Variants in ZNF341 observed in about 807,000 individuals in gnomAD.
ZNF341 encodes the protein zinc finger protein 341.
ZNF341 carries 52 observed loss-of-function variants against 87.7 expected under a neutral mutation model. The observed-to-expected ratio is 0.59, with a 90% CI of 0.47 to 0.75. The LOEUF (loss-of-function observed/expected upper bound fraction) is 0.75, where lower values mean the gene tolerates loss of function less well. Among genes scored for constraint, ZNF341 ranks in the 30% least tolerant of loss-of-function variants. The probability of loss-of-function intolerance (pLI) is 0.00; values close to 1 mark genes in which losing one functional copy is unlikely to be tolerated. For missense variants in ZNF341, 977 were observed against 1,145.9 expected (o/e 0.85, Z 2.13); for synonymous variants, 459 against 472.7 (o/e 0.97, Z 0.38).
chr20:33,788,831 G>C (rs2019930701), intron 12 of ZNF341, 32 bp from the exon 13 acceptor site: 1 of 1,598,030 alleles, frequency 6.3e-7, no homozygotes, highest in African/African-American at 1.3e-5. Context: ...CTCCTGGTGA[G>C]TGCTGGCTCT....
In ZNF341 at chr20:33,765,312, G is replaced by A. The variant is rs530013827; in HGVS notation, c.1223-1539G>A. ...ACCACTTTTATCTGACCTTCCTTCA[G>A]GCTTCCTGTTGGAACTAGCCCTACT... On this transcript the variant is annotated intron_variant, in intron 8 of 14. Transcript: ENST00000375200. Among the ~76,000 whole-genome samples the A allele has an allele frequency of 2.3e-3, 355 of 152,138 alleles. 1 individual carries two copies. Among genetic ancestry groups the A allele is most frequent in the Non-Finnish European group, 3.2e-3 (217 of 68,000 alleles).
chr20:33,745,490 C>T (rs998658105), intron 3 of ZNF341, among the ~76,000 whole-genome samples, 191 bp downstream of exon 3: 3 of 151,844 alleles, frequency 2.0e-5, no homozygotes, highest in Non-Finnish European at 2.9e-5. Context: ...GGATGCCAGA[C>T]GGGGATGGGA....
chr20:33,745,929 CT>C (rs1301920142), intron 3 of ZNF341, among the ~76,000 whole-genome samples: 1,399 of 132,762 alleles, frequency 0.011, 21 homozygotes, highest in African/African-American at 0.035. Flanking sequence ...GGGTCTGGGC[CT>C]TTTTTTTTTT....
chr20:33,776,392 CTTT>C (rs1341206598), intron 10 of ZNF341, among the ~76,000 whole-genome samples: 2 of 139,904 alleles, frequency 1.4e-5, no homozygotes. Flanking sequence ...TGCACCTGGC[CTTT>C]TTTTTTTTTT....
chr20:33,749,808 A>G (rs937162638), intron 4 of ZNF341, among the ~76,000 whole-genome samples: 3 of 150,672 alleles, frequency 2.0e-5, no homozygotes, highest in Admixed American at 1.3e-4. Context: ...GCTGAAGTGC[A>G]GTGGTGCGAT....
intron 1 of ZNF341, among the ~76,000 whole-genome samples, chr20:33,735,911 A>G (rs937658859): frequency 2.6e-5 from 4 of 152,148 alleles, no homozygotes; most frequent in South Asian, 2.1e-4. Flanking sequence ...AGAATACTAT[A>G]TAAATGAAAT....
At chr20:33,737,505 T>C (rs2018715688) in intron 1 of ZNF341, among the ~76,000 whole-genome samples, 1 of 151,954 alleles carries the variant, frequency 6.6e-6, no homozygotes. Flanking sequence ...ATATTTTTAG[T>C]AAGGATGGGG....
chr20:33,773,879 G>A (rs963190175), intron 10 of ZNF341, among the ~76,000 whole-genome samples: 1 of 151,988 alleles, frequency 6.6e-6, no homozygotes, highest in Non-Finnish European at 1.5e-5. Flanking sequence ...TCTGTTCCCT[G>A]TCAGCCACAT....
At chr20:33,741,408 C>CTTT (rs1390459769) in intron 2 of ZNF341, among the ~76,000 whole-genome samples, 11 of 124,852 alleles carry the variant, frequency 8.8e-5, no homozygotes, top group African/African-American at 3.3e-4. Context: ...TTTTTTTTTT[C>CTTT]TTTTTTTTCT....
rs199511736 is a variant in ZNF341 at position 33,791,220 on chromosome 20, C to T, written c.2268C>T (p.Cys756=). 1,599 of 1,611,964 alleles carry T rather than the reference C, an allele frequency of 9.9e-4. No individual in the cohort carries two copies. The highest frequency in any genetic ancestry group is 1.3e-3 in the Non-Finnish European group (1,494 of 1,179,454). ...PPQRRAAPRS[C]GSGGRKVLTP... is the part of the protein sequence containing the mutation. Reference sequence around the variant, plus strand: ...AGAGGAGGGCAGCCCCCCGCAGTTGCGGCAGTGGTGGGCGCAAGGTGCTGA... The same window carrying T: ...AGAGGAGGGCAGCCCCCCGCAGTTGTGGCAGTGGTGGGCGCAAGGTGCTGA... The change falls in exon 15 of 15, where the codon TGC becomes TGT. Residue 756 remains cysteine, a synonymous_variant. Transcript: ENST00000375200.
At chr20:33,741,250 G>A (rs1268005390) in intron 2 of ZNF341, among the ~76,000 whole-genome samples, 1 of 152,176 alleles carries the variant, frequency 6.6e-6, no homozygotes, top group Non-Finnish European at 1.5e-5. Flanking sequence ...GGATCAAGAT[G>A]CAGGGAATGG....
At chr20:33,761,056 A>G (rs937871434) in intron 7 of ZNF341, among the ~76,000 whole-genome samples, 5 of 149,530 alleles carry the variant, frequency 3.3e-5, no homozygotes, top group Admixed American at 6.7e-5. Context: ...GTGCAGTGGC[A>G]TGATCATAGC....
rs540372508 is a variant in ZNF341 at position 33,748,349 on chromosome 20, C to T, written c.340-574C>T. Among the ~76,000 whole-genome samples, 9 of 152,136 alleles carry T rather than the reference C, an allele frequency of 5.9e-5. No individual in the cohort carries two copies. In the South Asian group the frequency reaches 1.2e-3, roughly 21 times the overall value. ...CCTCCCAAAGTGCTGGGATTACAGG[C>T]GTGAGCCACCATGCCTGGCTGATAC... On this transcript the variant is annotated intron_variant, in intron 3 of 14. Transcript: ENST00000375200.
intron 11 of ZNF341, 143 bp from the exon 12 acceptor site, chr20:33,783,589 C>A: frequency 8.6e-7 from 1 of 1,159,094 alleles, no homozygotes; most frequent in Non-Finnish European, 1.2e-6. Flanking sequence ...AGGGCTGAGT[C>A]TGACATTCTG....
intron 1 of ZNF341, among the ~76,000 whole-genome samples, chr20:33,737,763 C>T (rs914243372): frequency 9.9e-5 from 15 of 151,930 alleles, no homozygotes; most frequent in South Asian, 4.2e-4. Flanking sequence ...GACTCATTGG[C>T]GAGTCTACGT....
At position 33,782,325 on chromosome 20, in the gene ZNF341, T is replaced by C. The variant is rs1431387500; in HGVS notation, c.1719+938T>C. On this transcript the variant is annotated intron_variant, in intron 11 of 14. Coordinates refer to ENST00000375200, the MANE Select transcript of ZNF341 (RefSeq NM_001282933.2). ...CACCCCTGACCACTGCTCCCTTTTT[T>C]CTTTCCTCTGAATTTATTTGTTGAA... Among the ~76,000 whole-genome samples, 3 of 152,368 alleles carry C rather than the reference T, an allele frequency of 2.0e-5. No individual in the cohort carries two copies. In the East Asian group the frequency reaches 5.8e-4, roughly 29 times the overall value.
rs748630033 is a variant in ZNF341 at position 33,783,777 on chromosome 20, G to T, written c.1765G>T (p.Gly589Cys). 2 of 1,613,788 alleles carry T rather than the reference G, an allele frequency of 1.2e-6. No individual in the cohort carries two copies. Among genetic ancestry groups the T allele is most frequent in the Non-Finnish European group, 8.5e-7 (1 of 1,179,870 alleles). ...CCTGCGGCGTCATCTGCCCACCCAC[G>T]GCAGCGGGGGCAGGTTCAAGTGCCA... is the stretch of plus-strand genomic sequence containing the variant. Reference protein sequence around the residue: ...RYLRRHLPTHGSGGRFKCQVC... With the variant: ...RYLRRHLPTHCSGGRFKCQVC... The change falls in exon 12 of 15, where the codon GGC (glycine) becomes TGC (cysteine). Residue 589 changes from glycine to cysteine, a missense_variant. Transcript: ENST00000375200.
intron 4 of ZNF341, among the ~76,000 whole-genome samples, chr20:33,751,658 C>A (rs904579675): frequency 6.6e-6 from 1 of 152,124 alleles, no homozygotes; most frequent in African/African-American, 2.4e-5. Flanking sequence ...ACTGCAACCT[C>A]CACCTCCCTG....
At chr20:33,752,116 C>T (rs573571924) in intron 4 of ZNF341, 25 of 389,456 alleles carry the variant, frequency 6.4e-5, no homozygotes, top group Admixed American at 1.0e-4. Context: ...AAGCCCCCCC[C>T]CCTTTTTTTT....
Sources: gnomAD v4.1 joint callset for allele counts (sites outside exome capture counted in the v4.1 genomes callset) on GRCh38, gnomAD v4.1.1 for gene constraint, MANE v1.5 for transcripts, NCBI Gene and HGNC (gene_info 2026-07-23, HGNC 2026-07-21) for gene names.